SORCS2: variants seen among roughly 807,000 people sequenced by gnomAD.
SORCS2 encodes VPS10 domain-containing receptor SorCS2.
A neutral mutation model predicts 141.6 loss-of-function variants in SORCS2; 100 were observed. That is an observed-to-expected ratio of 0.71 (90% CI 0.60 to 0.83). SORCS2 has a LOEUF of 0.83. Ranked by LOEUF, SORCS2 falls within the 40% of genes least tolerant of loss-of-function variation. The pLI is 0.00. For synonymous variants in SORCS2, 789 were observed against 676.9 expected (o/e 1.17, Z -2.57); for missense variants, 1,646 against 1,560.2 (o/e 1.05, Z -0.93).
chr4:7,619,784 C>T lies in SORCS2; in HGVS notation c.649-18544C>T, dbSNP rs1351849644. Among the ~76,000 whole-genome samples, 4 of 152,296 alleles carry T rather than the reference C, an allele frequency of 2.6e-5. 1 individual carries two copies. Among genetic ancestry groups the T allele is most frequent in the African/African-American group, 7.2e-5 (3 of 41,576 alleles). Reference sequence around the variant, plus strand: ...AGGTATCAGGCCGATACTCACGTGGCATAGTGCCCGAGTGGGAAGGGACGG... The same window carrying T: ...AGGTATCAGGCCGATACTCACGTGGTATAGTGCCCGAGTGGGAAGGGACGG... On this transcript the variant is annotated intron_variant, in intron 3 of 26. Transcript: ENST00000507866.
chr4:7,597,672 G>C (rs1262165878), intron 3 of SORCS2, among the ~76,000 whole-genome samples: 1 of 150,220 alleles, frequency 6.7e-6, no homozygotes, highest in Non-Finnish European at 1.5e-5. Flanking sequence ...CTGCCATAGA[G>C]GGAGGGGCTA....
intron 3 of SORCS2, among the ~76,000 whole-genome samples, chr4:7,577,428 T>G (rs1260635602): frequency 6.6e-6 from 1 of 151,900 alleles, no homozygotes; most frequent in African/African-American, 2.4e-5. Context: ...TTTGGAGAAG[T>G]CATATAGCAT....
chr4:7,502,943 C>A (rs1324059375), intron 2 of SORCS2, among the ~76,000 whole-genome samples: 2 of 152,214 alleles, frequency 1.3e-5, no homozygotes, highest in Admixed American at 6.5e-5. Flanking sequence ...TGCTATTTCA[C>A]TTTAAGAATC....
intron 1 of SORCS2, among the ~76,000 whole-genome samples, chr4:7,314,329 T>TA (rs1239093266): frequency 1.4e-5 from 1 of 71,336 alleles, no homozygotes; most frequent in South Asian, 9.0e-4. Flanking sequence ...TGGCCTTTTT[T>TA]TTATTTTTTT....
intron 14 of SORCS2, among the ~76,000 whole-genome samples, chr4:7,710,610 G>C (rs1235814130): frequency 1.3e-5 from 2 of 152,210 alleles, no homozygotes; most frequent in Admixed American, 6.5e-5. Flanking sequence ...AGTGTGTTGA[G>C]TTGGGGCTCT....
At chr4:7,602,399 C>T (rs1481533755) in intron 3 of SORCS2, among the ~76,000 whole-genome samples, 7 of 150,488 alleles carry the variant, frequency 4.7e-5, no homozygotes, top group African/African-American at 7.4e-5. Flanking sequence ...ACTTCTCAGA[C>T]GGGGCGGCCG....
intron 1 of SORCS2, among the ~76,000 whole-genome samples, chr4:7,303,059 C>T (rs905777627): frequency 1.3e-5 from 2 of 152,144 alleles, no homozygotes; most frequent in Admixed American, 6.5e-5. Context: ...GCGGCCAGTG[C>T]TCTGGGCCAC....
chr4:7,570,789 A>C (rs776358594), intron 3 of SORCS2, among the ~76,000 whole-genome samples: 7 of 152,250 alleles, frequency 4.6e-5, no homozygotes, highest in Middle Eastern at 6.8e-3. Flanking sequence ...GGTTTTAATC[A>C]GTGCCCGAAG....
chr4:7,401,940 A>G (rs1357899963), intron 2 of SORCS2, among the ~76,000 whole-genome samples: 1 of 152,172 alleles, frequency 6.6e-6, no homozygotes, highest in Non-Finnish European at 1.5e-5. Flanking sequence ...AAAAGTACCT[A>G]CCATGGTAGG....
rs777443378 is a variant in SORCS2, at chr4:7,639,695, CTGTG to C, written c.813+1208_813+1211del. 9.7e-5 allele frequency among the ~76,000 whole-genome samples: 13 copies of C among 133,602 alleles called. No homozygotes were observed. The East Asian group carries it at 3.1e-3, about 32-fold the overall frequency. The allele number at this position is 133,602 out of a possible 152,430, so 87.6% of individuals were successfully genotyped here. ...TGTGTGAGTGTGAGGGTGTGGGTGTCTGTGTGTGAATGTGTGTTCACCTGTGAGT... is the reference window on the plus strand; with the variant it reads ...TGTGTGAGTGTGAGGGTGTGGGTGTCTGTGAATGTGTGTTCACCTGTGAGT... On this transcript the variant is annotated intron_variant, in intron 4 of 26. Coordinates refer to ENST00000507866, the MANE Select transcript of SORCS2 (RefSeq NM_020777.3).
chr4:7,728,481 G>A lies in SORCS2; in HGVS notation c.2982+19G>A, dbSNP rs920139332. On this transcript the variant is annotated intron_variant, in intron 22 of 26. Coordinates refer to ENST00000507866, the MANE Select transcript of SORCS2 (RefSeq NM_020777.3). Reference sequence around the variant, plus strand: ...CTCCAAGGTGTCCACCCAGAGCCTAGAGCCTCCCCAGCCCCACGGTGCTTC... The same window carrying A: ...CTCCAAGGTGTCCACCCAGAGCCTAAAGCCTCCCCAGCCCCACGGTGCTTC... 1 of 1,580,566 alleles carries A rather than the reference G, an allele frequency of 6.3e-7. No individual in the cohort carries two copies.
At chr4:7,613,400 G>A (rs926730951) in intron 3 of SORCS2, among the ~76,000 whole-genome samples, 1 of 152,216 alleles carries the variant, frequency 6.6e-6, no homozygotes, top group African/African-American at 2.4e-5. Flanking sequence ...AGCACTGCAG[G>A]GACCCAGCTG....
chr4:7,277,410 TCTC>T (rs1427683561), intron 1 of SORCS2, among the ~76,000 whole-genome samples: 1 of 152,062 alleles, frequency 6.6e-6, no homozygotes, highest in Non-Finnish European at 1.5e-5. Flanking sequence ...GTGTGCAGCT[TCTC>T]CTCAATACAG....
At chr4:7,278,118 C>T (rs923780419) in intron 1 of SORCS2, among the ~76,000 whole-genome samples, 2 of 152,182 alleles carry the variant, frequency 1.3e-5, no homozygotes, top group African/African-American at 4.8e-5. Context: ...TCCCAGGGCT[C>T]CCCGGTGCCC....
intron 1 of SORCS2, among the ~76,000 whole-genome samples, chr4:7,281,167 CAA>C (rs1173211351): frequency 6.6e-6 from 1 of 152,128 alleles, no homozygotes; most frequent in African/African-American, 2.4e-5. Context: ...TCATGCTGCA[CAA>C]AAGTTTTTTC....
At position 7,282,975 on chromosome 4, in the gene SORCS2, T is replaced by G. The variant is rs148403948; in HGVS notation, c.480+89849T>G. Among the ~76,000 whole-genome samples the G allele has an allele frequency of 1.3e-4, 20 of 152,186 alleles. No homozygotes were observed. In the East Asian group the frequency reaches 3.5e-3, roughly 26 times the overall value. ...CACACTCATTAATTCATTCATTCAC[T>G]CATTCATTCATTCATTCATCCATTA... On this transcript the variant is annotated intron_variant, in intron 1 of 26. Transcript: ENST00000507866.
At chr4:7,581,673 TC>T (rs1716161241) in intron 3 of SORCS2, among the ~76,000 whole-genome samples, 1 of 152,170 alleles carries the variant, frequency 6.6e-6, no homozygotes, top group Non-Finnish European at 1.5e-5. Context: ...GTGGGTGCTG[TC>T]CGTGGTGCTG....
rs999853798 is a variant in SORCS2 at position 7,613,201 on chromosome 4, C to G, written c.649-25127C>G. Among the ~76,000 whole-genome samples the G allele has an allele frequency of 5.3e-5, 8 of 152,256 alleles. No individual in the cohort carries two copies. The South Asian group carries it at 1.7e-3, about 31-fold the overall frequency. On this transcript the variant is annotated intron_variant, in intron 3 of 26. Transcript: ENST00000507866. ...ATCGGGGCATCCCAGCCTAGGTCTG[C>G]TGCCCAAAATAGGTCTTCCTGGTTC...
chr4:7,560,650 C>T (rs529186049), intron 3 of SORCS2, among the ~76,000 whole-genome samples: 58 of 152,282 alleles, frequency 3.8e-4, no homozygotes, highest in African/African-American at 1.3e-3. Context: ...ATAGGGACGG[C>T]TCTGGGTACA....
Sources: allele counts gnomAD v4.1 joint callset (sites outside exome capture counted in the v4.1 genomes callset), GRCh38; gene constraint gnomAD v4.1.1; transcripts MANE v1.5; gene names NCBI Gene and HGNC (gene_info 2026-07-23, HGNC 2026-07-21).